The following RNGTT variants were observed in gnomAD, a reference collection of about 807,000 sequenced individuals.
RNGTT encodes mRNA-capping enzyme.
A neutral mutation model predicts 79.3 loss-of-function variants in RNGTT; 33 were observed. The observed-to-expected ratio is 0.42, with a 90% CI of 0.32 to 0.56. The LOEUF is 0.56. RNGTT is among the 20% of genes least tolerant of loss of function. RNGTT has a pLI of 0.17. For synonymous variants in RNGTT, 222 were observed against 235.9 expected, an observed-to-expected ratio of 0.94 and a Z score of 0.54; for missense variants, 497 against 739.1, an observed-to-expected ratio of 0.67 and a Z score of 3.80.
intron 14 of RNGTT, among the ~76,000 whole-genome samples, chr6:88,646,594 A>T (rs1459792431): frequency 6.6e-6 from 1 of 152,242 alleles, no homozygotes; most frequent in African/African-American, 2.4e-5. Flanking sequence ...GAACCAACCC[A>T]AATGTCCACC....
intron 4 of RNGTT, among the ~76,000 whole-genome samples, chr6:88,912,516 A>G (rs1783859007): frequency 2.6e-5 from 4 of 152,192 alleles, no homozygotes; most frequent in African/African-American, 9.6e-5. Flanking sequence ...GCAGGAGAAA[A>G]GAAATACCTA....
intron 6 of RNGTT, among the ~76,000 whole-genome samples, chr6:88,904,365 G>C (rs1235305246): frequency 6.6e-6 from 1 of 152,034 alleles, no homozygotes; most frequent in Non-Finnish European, 1.5e-5. Context: ...TTTGAGCTCA[G>C]GAGTTCAAAT....
intron 14 of RNGTT, among the ~76,000 whole-genome samples, chr6:88,675,401 G>C (rs1774830445): frequency 6.6e-6 from 1 of 152,062 alleles, no homozygotes; most frequent in African/African-American, 2.4e-5. Context: ...GTGCAATAAA[G>C]AAAAAGCAGG....
chr6:88,963,483 G>T lies in RNGTT; in HGVS notation c.-74C>A. The T allele has an allele frequency of 7.2e-7, 1 of 1,385,250 alleles. No individual in the cohort carries two copies. Among genetic ancestry groups the T allele is most frequent in the South Asian group, 1.4e-5 (1 of 71,374 alleles). The allele number at this position is 1,385,250 out of a possible 1,614,324, so 85.8% of individuals were successfully genotyped here. The stretch of plus-strand genomic sequence containing the variant: ...CTTTGGAGCCGCCTCCCCGTGGTCC[G>T]GTGCACACCGGGGTCCGAGACACCC... On this transcript the variant is annotated 5_prime_UTR_variant, in exon 1 of 16. Coordinates refer to ENST00000369485, the MANE Select transcript of RNGTT (RefSeq NM_003800.5).
At chr6:88,768,387 C>G (rs1321884177) in intron 13 of RNGTT, among the ~76,000 whole-genome samples, 1 of 152,146 alleles carries the variant, frequency 6.6e-6, no homozygotes, top group Non-Finnish European at 1.5e-5. Context: ...GAATTACAGG[C>G]ATGAGCCACT....
At chr6:88,713,491 C>A (rs2127808475) in intron 13 of RNGTT, among the ~76,000 whole-genome samples, 1 of 152,216 alleles carries the variant, frequency 6.6e-6, no homozygotes, top group Admixed American at 6.5e-5. Context: ...TCCCAAATTC[C>A]AATTATTTCA....
intron 1 of RNGTT, among the ~76,000 whole-genome samples, chr6:88,941,763 A>G (rs1784855652): frequency 6.6e-6 from 1 of 151,548 alleles, no homozygotes; most frequent in Admixed American, 6.6e-5. Context: ...TCCCAGGTTC[A>G]TGCCATTCTC....
At position 88,665,515 on chromosome 6, in the gene RNGTT, C is replaced by T. The variant is rs117026215; in HGVS notation, c.1506+12838G>A. On this transcript the variant is annotated intron_variant, in intron 14 of 15. Transcript: ENST00000369485. ...AATCAAGCCACAGTGACTTTCCATC[C>T]AACAGTACCTAACCCGTACACATTG... Among the ~76,000 whole-genome samples the T allele has an allele frequency of 9.6e-3, 1,467 of 152,314 alleles. 9 individuals carry two copies. Among genetic ancestry groups the T allele is most frequent in the Non-Finnish European group, 0.013 (908 of 68,026 alleles).
chr6:88,616,190 T>C (rs1772210552), intron 14 of RNGTT, among the ~76,000 whole-genome samples: 1 of 152,224 alleles, frequency 6.6e-6, no homozygotes, highest in Admixed American at 6.5e-5. Flanking sequence ...AATTCTTTCT[T>C]TTTAAAGGTA....
At chr6:88,778,520 T>C (rs28562567) in intron 12 of RNGTT, among the ~76,000 whole-genome samples, 20,847 of 152,220 alleles carry the variant, frequency 0.14, 1,568 homozygotes, top group Middle Eastern at 0.24. Flanking sequence ...CTTGCTATCT[T>C]GCCCAAGCTA....
intron 13 of RNGTT, among the ~76,000 whole-genome samples, chr6:88,756,672 CT>C (rs1486754930): frequency 6.6e-6 from 1 of 152,094 alleles, no homozygotes; most frequent in Admixed American, 6.5e-5. Context: ...GAGTTTGATG[CT>C]TGAAAATAAT....
At chr6:88,916,232 G>A (rs1269502968) in intron 4 of RNGTT, among the ~76,000 whole-genome samples, 2 of 152,164 alleles carry the variant, frequency 1.3e-5, no homozygotes, top group African/African-American at 4.8e-5. Flanking sequence ...CCCAGCACTT[G>A]GAGGCCAAGG....
chr6:88,619,228 C>T (rs1037375808), intron 14 of RNGTT, among the ~76,000 whole-genome samples: 13 of 151,892 alleles, frequency 8.6e-5, no homozygotes, highest in East Asian at 1.9e-4. Flanking sequence ...TGCAGTGGTG[C>T]GGTCACAGCT....
chr6:88,902,238 T>A (rs1171685019), intron 6 of RNGTT, among the ~76,000 whole-genome samples: 2 of 151,822 alleles, frequency 1.3e-5, no homozygotes, highest in East Asian at 3.9e-4. Context: ...GGGTTTAAGA[T>A]ACACATAGAA....
At chr6:88,669,244 G>C (rs1462636155) in intron 14 of RNGTT, among the ~76,000 whole-genome samples, 1 of 152,172 alleles carries the variant, frequency 6.6e-6, no homozygotes, top group South Asian at 2.1e-4. Flanking sequence ...AGAACTGCCA[G>C]GGAAGACAAA....
intron 10 of RNGTT, among the ~76,000 whole-genome samples, chr6:88,848,609 G>C (rs570660970): frequency 6.6e-6 from 1 of 152,104 alleles, no homozygotes; most frequent in African/African-American, 2.4e-5. Flanking sequence ...CAAAGGTATA[G>C]TACAATAACA....
intron 1 of RNGTT, among the ~76,000 whole-genome samples, chr6:88,950,103 A>G (rs989090637): frequency 1.3e-5 from 2 of 152,264 alleles, no homozygotes; most frequent in South Asian, 4.1e-4. Flanking sequence ...GTGCTCTATC[A>G]ACGAACAACA....
rs67058652 is a variant in RNGTT, at chr6:88,696,601, T to TACACACACACACACACACAC, written c.1440-18202_1440-18183dup. Among the ~76,000 whole-genome samples the TACACACACACACACACACAC allele has an allele frequency of 6.1e-5, 9 of 147,598 alleles. No homozygotes were observed. In the South Asian group the frequency reaches 1.3e-3, roughly 21 times the overall value. On this transcript the variant is annotated intron_variant, in intron 13 of 15. Coordinates refer to ENST00000369485, the MANE Select transcript of RNGTT (RefSeq NM_003800.5). ...TGCAGGATGAACAGAAATCCTGAAG[T>TACACACACACACACACACAC]ACACACACACACACACACACACACA...
intron 14 of RNGTT, among the ~76,000 whole-genome samples, chr6:88,636,218 TGA>T (rs1200749590): frequency 6.6e-6 from 1 of 152,056 alleles, no homozygotes; most frequent in East Asian, 1.9e-4. Flanking sequence ...ATACATTTGT[TGA>T]GTACCTTGGA....
Sources: allele counts gnomAD v4.1 joint callset (sites outside exome capture counted in the v4.1 genomes callset), GRCh38; gene constraint gnomAD v4.1.1; transcripts MANE v1.5; gene names NCBI Gene and HGNC (gene_info 2026-07-23, HGNC 2026-07-21).